The following IL1RAPL1 variants were observed in gnomAD, a reference collection of about 807,000 sequenced individuals.
IL1RAPL1 encodes the protein interleukin 1 receptor accessory protein like 1, also known as interleukin-1 receptor accessory protein-like 1.
Under a neutral mutation model 48.4 loss-of-function variants are expected in IL1RAPL1, and 3 were observed. The observed-to-expected ratio is 0.06, with a 90% confidence interval of 0.03 to 0.16. The LOEUF (loss-of-function observed/expected upper bound fraction) is 0.16. Ranked by LOEUF, IL1RAPL1 falls within the 10% of genes least tolerant of loss-of-function variation. The pLI is 1.00. For missense variants in IL1RAPL1, 349 were observed against 530.6 expected, an observed-to-expected ratio of 0.66 and a Z score of 3.36; for synonymous variants, 185 against 187.7, an observed-to-expected ratio of 0.99 and a Z score of 0.12.
chrX:28,606,849 C>T (rs1934089680), intron 1 of IL1RAPL1, among the ~76,000 whole-genome samples: 1 of 110,951 alleles, frequency 9.0e-6, no homozygotes, highest in Admixed American at 9.6e-5. Flanking sequence ...GAGAGTTCAA[C>T]ATGTTTAACA....
intron 2 of IL1RAPL1, among the ~76,000 whole-genome samples, chrX:28,913,566 T>G (rs1923412154): frequency 9.0e-6 from 1 of 111,025 alleles, no homozygotes; most frequent in African/African-American, 3.3e-5. Context: ...TAAAAAATAA[T>G]ACGTAGGCCA....
At chrX:29,778,142 C>T (rs1929251946) in intron 6 of IL1RAPL1, among the ~76,000 whole-genome samples, 1 of 111,351 alleles carries the variant, frequency 9.0e-6, no homozygotes, top group Non-Finnish European at 1.9e-5. Flanking sequence ...GGCTCACTTA[C>T]ACATTTCGCT....
At chrX:29,406,343 C>T (rs980598661) in intron 5 of IL1RAPL1, among the ~76,000 whole-genome samples, 1 of 109,288 alleles carries the variant, frequency 9.2e-6, no homozygotes, top group South Asian at 4.0e-4. Context: ...GAGCCGAAAT[C>T]GCGACACTGC....
At chrX:29,668,553 G>T in intron 6 of IL1RAPL1, 49 bp downstream of exon 6, 3 of 896,886 alleles carry the variant, frequency 3.3e-6, no homozygotes, top group Non-Finnish European at 4.9e-6. Flanking sequence ...GTTACATTGT[G>T]ACAGTTAATA....
chrX:29,762,612 A>G lies in IL1RAPL1; in HGVS notation c.778+94108A>G, dbSNP rs1928780433. On this transcript the variant is annotated intron_variant, in intron 6 of 10. Coordinates refer to ENST00000378993, the MANE Select transcript of IL1RAPL1 (RefSeq NM_014271.4). Reference sequence around the variant, plus strand: ...AGTCATAGGTAATTTAAGTTTGGAAATGAACATTCATTCACTACTTTGTTA... The same window carrying G: ...AGTCATAGGTAATTTAAGTTTGGAAGTGAACATTCATTCACTACTTTGTTA... Among the ~76,000 whole-genome samples, 6 of 112,210 alleles carry G rather than the reference A, an allele frequency of 5.3e-5. No individual in the cohort carries two copies. In the South Asian group the frequency reaches 2.2e-3, roughly 41 times the overall value.
intron 5 of IL1RAPL1, among the ~76,000 whole-genome samples, chrX:29,581,241 A>G (rs1345237249): frequency 3.5e-5 from 4 of 112,848 alleles, no homozygotes; most frequent in Non-Finnish European, 5.6e-5. Context: ...GCAAATTTAT[A>G]AATATTTTTT....
intron 5 of IL1RAPL1, among the ~76,000 whole-genome samples, chrX:29,623,925 G>T (rs1325891744): frequency 8.9e-6 from 1 of 111,890 alleles, no homozygotes; most frequent in Non-Finnish European, 1.9e-5. Context: ...TAGTCCTTAT[G>T]TAGCCCCCAT....
In IL1RAPL1 at chrX:28,858,206, G is replaced by T. The variant is rs996758835; in HGVS notation, c.82+68781G>T. On this transcript the variant is annotated intron_variant, in intron 2 of 10. Transcript: ENST00000378993. ...CTCTTATGGATGAGCAATGAAAGTG[G>T]TTTCTTAAGATGAAATCTACTCCTG... Among the ~76,000 whole-genome samples the T allele has an allele frequency of 3.9e-4, 44 of 112,090 alleles. 2 individuals are homozygous for T. Among genetic ancestry groups the T allele is most frequent in the Non-Finnish European group, 2.6e-4 (14 of 53,163 alleles).
chrX:29,659,967 G>T (rs935408350), intron 5 of IL1RAPL1, among the ~76,000 whole-genome samples: 1 of 111,683 alleles, frequency 9.0e-6, no homozygotes, highest in Admixed American at 9.5e-5. Flanking sequence ...CAGGAAGCAT[G>T]GCTAGGGAGG....
At chrX:29,792,677 T>A (rs754100461) in intron 6 of IL1RAPL1, among the ~76,000 whole-genome samples, 25 of 111,258 alleles carry the variant, frequency 2.2e-4, no homozygotes, top group Non-Finnish European at 4.0e-4. Context: ...GATCTGCTTG[T>A]AAGGCCGGTG....
At chrX:29,420,317 A>G (rs1291331641) in intron 5 of IL1RAPL1, among the ~76,000 whole-genome samples, 1 of 112,578 alleles carries the variant, frequency 8.9e-6, no homozygotes, top group East Asian at 2.8e-4. Flanking sequence ...ATTTATTGTA[A>G]AGTCACAAAT....
chrX:29,208,199 CAG>C (rs1184023013), intron 2 of IL1RAPL1, among the ~76,000 whole-genome samples: 1 of 111,528 alleles, frequency 9.0e-6, no homozygotes, highest in Non-Finnish European at 1.9e-5. Flanking sequence ...GTGGTGAAAA[CAG>C]AGTTAACAGG....
At chrX:29,013,534 C>A (rs1926173162) in intron 2 of IL1RAPL1, among the ~76,000 whole-genome samples, 1 of 111,955 alleles carries the variant, frequency 8.9e-6, no homozygotes, top group Non-Finnish European at 1.9e-5. Context: ...ACTATGCAGC[C>A]ATGAAAAGGA....
At chrX:28,717,336 T>C (rs997195688) in intron 1 of IL1RAPL1, among the ~76,000 whole-genome samples, 3 of 112,072 alleles carry the variant, frequency 2.7e-5, no homozygotes, top group Middle Eastern at 4.6e-3. Flanking sequence ...AATGAGATCA[T>C]GTCCTTTGTA....
At chrX:29,481,091 A>T (rs1935037850) in intron 5 of IL1RAPL1, among the ~76,000 whole-genome samples, 1 of 112,452 alleles carries the variant, frequency 8.9e-6, no homozygotes, top group Non-Finnish European at 1.9e-5. Flanking sequence ...AATATTCTAA[A>T]ATCAGCCAAT....
intron 6 of IL1RAPL1, among the ~76,000 whole-genome samples, chrX:29,693,775 T>G: frequency 8.9e-6 from 1 of 111,789 alleles, no homozygotes; most frequent in African/African-American, 3.3e-5. Flanking sequence ...TAATGGTCAC[T>G]TTTTAACACC....
chrX:29,119,714 A>C (rs1928744244), intron 2 of IL1RAPL1, among the ~76,000 whole-genome samples: 1 of 111,286 alleles, frequency 9.0e-6, no homozygotes, highest in Non-Finnish European at 1.9e-5. Flanking sequence ...GTCATAAATC[A>C]TAGTAGGGGG....
chrX:29,218,053 T>C (rs1206588843), intron 2 of IL1RAPL1, among the ~76,000 whole-genome samples: 1 of 112,068 alleles, frequency 8.9e-6, no homozygotes, highest in Non-Finnish European at 1.9e-5. Context: ...TTATGTTTGC[T>C]GTTTTTTGTA....
chrX:29,701,492 T>C (rs1259926171), intron 6 of IL1RAPL1, among the ~76,000 whole-genome samples: 2 of 112,194 alleles, frequency 1.8e-5, no homozygotes. Flanking sequence ...ATGATAATTG[T>C]CATATATTCA....
Sources: gnomAD v4.1 joint callset for allele counts (sites outside exome capture counted in the v4.1 genomes callset) on GRCh38, gnomAD v4.1.1 for gene constraint, MANE v1.5 for transcripts, NCBI Gene and HGNC (gene_info 2026-07-23, HGNC 2026-07-21) for gene names.